SYN3: variants seen among roughly 807,000 people sequenced by gnomAD.
SYN3 encodes the protein synapsin III.
Under a neutral mutation model 65.8 loss-of-function variants are expected in SYN3, and 35 were observed. The observed-to-expected ratio is 0.53, with a 90% CI of 0.41 to 0.70. The LOEUF (loss-of-function observed/expected upper bound fraction) is 0.70, where lower values mean the gene tolerates loss of function less well. Ranked by LOEUF, SYN3 falls within the 30% of genes least tolerant of loss-of-function variation. SYN3 has a pLI of 0.00. For missense variants in SYN3, 680 were observed against 749.0 expected (o/e 0.91, Z 1.08); for synonymous variants, 270 against 292.9 (o/e 0.92, Z 0.80).
At chr22:32,612,254 C>A (rs62232743) in intron 6 of SYN3, among the ~76,000 whole-genome samples, 3 of 152,076 alleles carry the variant, frequency 2.0e-5, no homozygotes, top group African/African-American at 7.2e-5. Flanking sequence ...GGGACTTATG[C>A]GAACTCCAAC....
chr22:32,819,207 T>C (rs965313251), intron 6 of SYN3, among the ~76,000 whole-genome samples: 2 of 152,320 alleles, frequency 1.3e-5, no homozygotes, highest in East Asian at 1.9e-4. Flanking sequence ...AGGCTTGGCC[T>C]TGCAGGCCGG....
At chr22:32,729,546 C>A (rs1164895063) in intron 6 of SYN3, among the ~76,000 whole-genome samples, 1 of 152,218 alleles carries the variant, frequency 6.6e-6, no homozygotes, top group East Asian at 1.9e-4. Context: ...TAGAAACTTC[C>A]AAGCCAGCAG....
At chr22:32,878,730 T>C (rs2049046615) in intron 4 of SYN3, among the ~76,000 whole-genome samples, 1 of 152,226 alleles carries the variant, frequency 6.6e-6, no homozygotes. Context: ...TATCTTTCAT[T>C]TTGTCACTCA....
intron 6 of SYN3, among the ~76,000 whole-genome samples, chr22:32,752,653 AG>A (rs1263666062): frequency 6.6e-5 from 10 of 152,158 alleles, no homozygotes; most frequent in African/African-American, 2.4e-4. Context: ...CCACCCCAGA[AG>A]GGCATCCTAT....
At chr22:33,029,527 C>T (rs1475704462) in intron 1 of SYN3, among the ~76,000 whole-genome samples, 3 of 152,212 alleles carry the variant, frequency 2.0e-5, no homozygotes, top group East Asian at 3.9e-4. Context: ...AACTTGTATA[C>T]AATAATTACA....
At chr22:32,734,325 C>A (rs551962013) in intron 6 of SYN3, among the ~76,000 whole-genome samples, 1 of 152,348 alleles carries the variant, frequency 6.6e-6, no homozygotes, top group East Asian at 1.9e-4. Context: ...ATCTTAACCA[C>A]CACCTTCATC....
intron 6 of SYN3, among the ~76,000 whole-genome samples, chr22:32,732,270 C>G (rs1008108787): frequency 6.6e-6 from 1 of 152,162 alleles, no homozygotes; most frequent in Non-Finnish European, 1.5e-5. Context: ...GGACAGTGCC[C>G]GACACACAGC....
intron 6 of SYN3, among the ~76,000 whole-genome samples, chr22:32,701,783 A>G (rs1029234558): frequency 5.3e-5 from 8 of 152,228 alleles, no homozygotes; most frequent in Admixed American, 2.6e-4. Flanking sequence ...CTGTGGAACA[A>G]TAGCAAACAG....
At chr22:32,770,022 C>T (rs2045727024) in intron 6 of SYN3, among the ~76,000 whole-genome samples, 1 of 152,144 alleles carries the variant, frequency 6.6e-6, no homozygotes, top group Non-Finnish European at 1.5e-5. Context: ...GCAGGCAAAC[C>T]CTGACTTCTA....
chr22:32,596,823 A>G (rs1248953478), intron 6 of SYN3, 87 bp from the exon 7 acceptor site: 3 of 1,345,330 alleles, frequency 2.2e-6, no homozygotes, highest in Non-Finnish European at 3.1e-6. Flanking sequence ...AGAAAGATCC[A>G]TTCATTTCAT....
chr22:32,995,862 C>T (rs1051962927), intron 2 of SYN3, among the ~76,000 whole-genome samples: 2 of 152,112 alleles, frequency 1.3e-5, no homozygotes, highest in African/African-American at 4.8e-5. Flanking sequence ...GGGGTTTCAC[C>T]ATGTTGGCCA....
chr22:32,753,420 C>T (rs530764743), intron 6 of SYN3, among the ~76,000 whole-genome samples: 24 of 152,116 alleles, frequency 1.6e-4, no homozygotes, highest in Non-Finnish European at 2.4e-4. Context: ...TGCCCCATGA[C>T]GATGACGCAT....
intron 6 of SYN3, among the ~76,000 whole-genome samples, chr22:32,827,162 G>A (rs1195096359): frequency 6.6e-6 from 1 of 152,218 alleles, no homozygotes; most frequent in Non-Finnish European, 1.5e-5. Context: ...AGTGAGGGCA[G>A]GAGAGATGAG....
At chr22:33,023,765 G>C (rs1428963381) in intron 1 of SYN3, among the ~76,000 whole-genome samples, 1 of 152,178 alleles carries the variant, frequency 6.6e-6, no homozygotes, top group Non-Finnish European at 1.5e-5. Context: ...CCTTGATAAG[G>C]TGAGGTCTGG....
chr22:32,709,883 C>T (rs987445625), intron 6 of SYN3, among the ~76,000 whole-genome samples: 2 of 151,932 alleles, frequency 1.3e-5, no homozygotes, highest in African/African-American at 4.8e-5. Flanking sequence ...TTCCATTGGA[C>T]ATATGCTGGT....
At chr22:32,915,410 G>A (rs1316640898) in intron 4 of SYN3, among the ~76,000 whole-genome samples, 1 of 152,202 alleles carries the variant, frequency 6.6e-6, no homozygotes, top group East Asian at 1.9e-4. Flanking sequence ...GGTTGGGTAA[G>A]GAACATATAA....
intron 4 of SYN3, among the ~76,000 whole-genome samples, chr22:32,893,021 T>C (rs2049495305): frequency 6.6e-6 from 1 of 152,208 alleles, no homozygotes; most frequent in African/African-American, 2.4e-5. Flanking sequence ...AATCTATTTC[T>C]GGACCCTATA....
chr22:33,053,483 T>C (rs939799972), intron 1 of SYN3, among the ~76,000 whole-genome samples: 2 of 152,176 alleles, frequency 1.3e-5, no homozygotes, highest in African/African-American at 2.4e-5. Flanking sequence ...AGACAGGCTG[T>C]TGGGACCCGA....
intron 2 of SYN3, among the ~76,000 whole-genome samples, chr22:32,986,209 C>T (rs914388664): frequency 6.6e-6 from 1 of 152,134 alleles, no homozygotes; most frequent in Non-Finnish European, 1.5e-5. Flanking sequence ...ACTTGACTGC[C>T]ATCTACTGGC....
Sources: gnomAD v4.1 joint callset for allele counts (sites outside exome capture counted in the v4.1 genomes callset) on GRCh38, gnomAD v4.1.1 for gene constraint, MANE v1.5 for transcripts, NCBI Gene and HGNC (gene_info 2026-07-23, HGNC 2026-07-21) for gene names.